The following FNDC7 variants were observed in gnomAD, a reference collection of about 807,000 sequenced individuals.
The protein encoded by FNDC7 is fibronectin type III domain containing 7, also known as fibronectin type III domain-containing protein 7.
FNDC7 carries 66 observed loss-of-function variants against 74.2 expected under a neutral mutation model. The ratio of observed to expected loss-of-function variants is 0.89; its 90% CI spans 0.73 to 1.09. The LOEUF (loss-of-function observed/expected upper bound fraction) is 1.09, where lower values mean the gene tolerates loss of function less well. Among genes scored for constraint, FNDC7 ranks in the 50% least tolerant of loss-of-function variants. FNDC7 has a pLI of 0.00. For missense variants in FNDC7, 829 were observed against 893.4 expected (o/e 0.93, Z 0.92); for synonymous variants, 307 against 330.2 (o/e 0.93, Z 0.76).
intron 8 of FNDC7, among the ~76,000 whole-genome samples, chr1:108,729,723 G>A (rs551423327): frequency 1.3e-5 from 2 of 152,296 alleles, no homozygotes; most frequent in African/African-American, 4.8e-5. Flanking sequence ...GCGTAGCATT[G>A]TGTATGAATG....
At chr1:108,735,788 T>G (rs1387672670) in intron 10 of FNDC7, among the ~76,000 whole-genome samples, 6 of 11,178 alleles carry the variant, frequency 5.4e-4, no homozygotes, top group East Asian at 2.0e-3. Context: ...AGAGAAATTG[T>G]TTTTTTTTGT....
rs191745846 is a variant in FNDC7 at position 108,714,436 on chromosome 1, G to A, written c.82+907G>A. Among the ~76,000 whole-genome samples the A allele has an allele frequency of 2.6e-3, 400 of 152,180 alleles. 1 individual carries two copies. Among genetic ancestry groups the A allele is most frequent in the African/African-American group, 9.4e-3 (389 of 41,514 alleles). On this transcript the variant is annotated intron_variant, in intron 2 of 12. Coordinates refer to ENST00000370017, the MANE Select transcript of FNDC7 (RefSeq NM_001144937.3). ...CACGCCTATAATCTCAGCACTTTGG[G>A]AAGCCAAGATGGGAGGATTGCTTGA...
chr1:108,738,267 C>A (rs553647412), intron 11 of FNDC7, among the ~76,000 whole-genome samples: 1 of 152,208 alleles, frequency 6.6e-6, no homozygotes, highest in African/African-American at 2.4e-5. Flanking sequence ...GCTGAAAGGG[C>A]AGTTGGAATA....
In FNDC7 at chr1:108,715,671, G is replaced by GCA. The variant is rs957758663; in HGVS notation, c.83-2086_83-2085dup. Among the ~76,000 whole-genome samples the GCA allele has an allele frequency of 9.9e-3, 1,485 of 150,664 alleles. 19 individuals carry two copies. Among genetic ancestry groups the GCA allele is most frequent in the African/African-American group, 0.032 (1,327 of 41,012 alleles). On this transcript the variant is annotated intron_variant, in intron 2 of 12. Coordinates refer to ENST00000370017, the MANE Select transcript of FNDC7 (RefSeq NM_001144937.3). ...CAAACATGCGCGTGCGTGCGCGCGC[G>GCA]CACACACACACACACACACACTTTC...
At position 108,719,030 on chromosome 1, in the gene FNDC7, C is replaced by G; in HGVS notation, c.579C>G (p.Ser193=). The G allele has an allele frequency of 6.4e-7, 1 of 1,552,194 alleles. No individual in the cohort carries two copies. The highest frequency in any genetic ancestry group is 8.7e-7 in the Non-Finnish European group (1 of 1,147,098). Residue 193 remains serine, a synonymous_variant, in exon 4 of 13, where the codon TCC becomes TCG. Coordinates refer to ENST00000370017, the MANE Select transcript of FNDC7 (RefSeq NM_001144937.3). The stretch of plus-strand genomic sequence containing the variant: ...CCAACAGAATCCCTGGGGATGACTC[C>G]ACCTGCAATCAGAGAACAAGTAAGA... ...WNANRIPGDD[S]TCNQRTSPRA...
chr1:108,741,672 C>A, intron 11 of FNDC7, 101 bp from the exon 12 acceptor site: 3 of 1,237,100 alleles, frequency 2.4e-6, no homozygotes, highest in South Asian at 2.6e-5. Flanking sequence ...AATAGCATTT[C>A]AAATCAACAT....
At chr1:108,733,628 C>A in intron 10 of FNDC7, 96 bp downstream of exon 10, 7 of 1,139,006 alleles carry the variant, frequency 6.1e-6, no homozygotes, top group South Asian at 1.6e-5. Flanking sequence ...ATGAAGGGCA[C>A]AGAGGGTATA....
At chr1:108,741,873 T>G in intron 12 of FNDC7, 32 bp downstream of exon 12, 5 of 1,507,046 alleles carry the variant, frequency 3.3e-6, no homozygotes, top group Non-Finnish European at 4.6e-6. Context: ...TGTGTGATTT[T>G]ATGGCAAAGT....
At position 108,717,890 on chromosome 1, in the gene FNDC7, G is replaced by A. The variant is rs200880274; in HGVS notation, c.196G>A (p.Asp66Asn). 8 of 1,551,734 alleles carry A rather than the reference G, an allele frequency of 5.2e-6. No homozygotes were observed. The highest frequency in any genetic ancestry group is 7.0e-6 in the Non-Finnish European group (8 of 1,146,994). ...TSYLLTAEDG[D>N]TVIETTVANS... ...TTACCTCCTCACGGCTGAAGACGGG[G>A]ACACAGTCATTGAAACCACGGTGGC... Residue 66 changes from aspartate (D) to asparagine (N), a missense_variant, in exon 3 of 13, where the codon GAC becomes AAC. By Grantham distance (23) the Asp-to-Asn change is conservative (BLOSUM62 1). Coordinates refer to ENST00000370017, the MANE Select transcript of FNDC7 (RefSeq NM_001144937.3).
Position 108,733,443 on chromosome 1 carries a change from T to C in FNDC7, c.2051T>C (p.Ile684Thr). Residue 684 changes from isoleucine to threonine, a missense_variant, in exon 10 of 13, where the codon ATA becomes ACA. By Grantham distance (89) the Ile-to-Thr change is moderately conservative. Coordinates refer to ENST00000370017, the MANE Select transcript of FNDC7 (RefSeq NM_001144937.3). ...AGLSFCDVTE[I>T]PCGDVYTVMV... ...CTCAGTTTCTGTGATGTCACTGAGA[T>C]ACCCTGTGGGGATGTATACACTGTG... 2 of 1,614,102 alleles carry C rather than the reference T, an allele frequency of 1.2e-6. No homozygotes were observed. Among genetic ancestry groups the C allele is most frequent in the Non-Finnish European group, 1.7e-6 (2 of 1,180,000 alleles).
At position 108,721,426 on chromosome 1, in the gene FNDC7, G is replaced by C. The variant is rs554702094; in HGVS notation, c.599-909G>C. On this transcript the variant is annotated intron_variant, in intron 4 of 12. Transcript: ENST00000370017. ...GGAGTTTGCAGTAAGCCAAGATTGC[G>C]ACACTGCACTCCAGCCTGGGCGACA... Among the ~76,000 whole-genome samples the C allele has an allele frequency of 5.9e-5, 9 of 152,170 alleles. No individual in the cohort carries two copies. The South Asian group carries it at 6.2e-4, about 11-fold the overall frequency.
intron 11 of FNDC7, among the ~76,000 whole-genome samples, chr1:108,741,392 A>G (rs1461989525): frequency 1.3e-5 from 2 of 152,172 alleles, no homozygotes; most frequent in South Asian, 2.1e-4. Context: ...TCTCTGTGAC[A>G]TACTTAGCAG....
intron 8 of FNDC7, 121 bp downstream of exon 8, chr1:108,729,007 C>T (rs915289535): frequency 6.1e-5 from 78 of 1,270,408 alleles, no homozygotes; most frequent in African/African-American, 7.5e-5. Context: ...AACTCAGAGA[C>T]GTTTCAAAGA....
At chr1:108,725,120 A>G (rs188003889) in intron 5 of FNDC7, among the ~76,000 whole-genome samples, 237 of 152,128 alleles carry the variant, frequency 1.6e-3, no homozygotes, top group African/African-American at 5.4e-3. Context: ...AATTTAAAAA[A>G]ATAGTTTTTT....
rs137897520 is a variant in FNDC7 at position 108,728,717 on chromosome 1, T to C, written c.1455T>C (p.Ala485=). Residue 485 remains alanine, a synonymous_variant, in exon 8 of 13, where the codon GCT becomes GCC. Transcript: ENST00000370017. ...NVHWRSTNDD[A]TYTVTAQGEK... is the part of the protein sequence containing the mutation. ...ACTGGCGATCCACTAATGATGATGCTACTTACACGGTGACTGCCCAAGGGG... is the reference window on the plus strand; with the variant it reads ...ACTGGCGATCCACTAATGATGATGCCACTTACACGGTGACTGCCCAAGGGG... 13 of 1,614,168 alleles carry C rather than the reference T, an allele frequency of 8.1e-6. No individual in the cohort carries two copies. The African/African-American group carries it at 1.7e-4, about 22-fold the overall frequency.
intron 11 of FNDC7, among the ~76,000 whole-genome samples, chr1:108,739,469 C>T (rs969480364): frequency 2.6e-5 from 4 of 152,210 alleles, no homozygotes; most frequent in African/African-American, 9.7e-5. Flanking sequence ...GATAGCACCA[C>T]TGCGCTCCAG....
intron 4 of FNDC7, among the ~76,000 whole-genome samples, chr1:108,719,390 A>T (rs1477419715): frequency 6.6e-6 from 1 of 152,202 alleles, no homozygotes; most frequent in African/African-American, 2.4e-5. Flanking sequence ...GTTCAGGCCA[A>T]TTAGTATAAG....
intron 9 of FNDC7, among the ~76,000 whole-genome samples, chr1:108,731,452 G>A (rs1291874421): frequency 2.0e-5 from 3 of 152,224 alleles, no homozygotes; most frequent in Non-Finnish European, 2.9e-5. Flanking sequence ...TAAAAGCAGT[G>A]CAAGGTTACC....
intron 10 of FNDC7, 22 bp from the exon 11 acceptor site, chr1:108,737,473 A>C (rs781063053): frequency 5.8e-6 from 9 of 1,558,554 alleles, no homozygotes; most frequent in African/African-American, 4.2e-5. Flanking sequence ...TTTTATTTTA[A>C]ATGCTTGTGT....
Sources: allele counts gnomAD v4.1 joint callset (sites outside exome capture counted in the v4.1 genomes callset), GRCh38; gene constraint gnomAD v4.1.1; transcripts MANE v1.5; gene names NCBI Gene and HGNC (gene_info 2026-07-23, HGNC 2026-07-21).